INPP4B: variants seen among roughly 807,000 people sequenced by gnomAD.
The protein encoded by INPP4B is inositol polyphosphate 4-phosphatase type II.
In INPP4B, 55 loss-of-function variants were observed where a neutral mutation model predicts 122.5. The ratio of observed to expected loss-of-function variants is 0.45; its 90% CI spans 0.36 to 0.56. The LOEUF is 0.56. INPP4B is among the 20% of genes least tolerant of loss of function. The pLI, the probability that INPP4B is intolerant of heterozygous loss-of-function variation, is 0.00. For missense variants in INPP4B, 1,000 were observed against 1,097.7 expected (o/e 0.91, Z 1.26); for synonymous variants, 403 against 388.7 (o/e 1.04, Z -0.43).
At chr4:142,139,942 G>A (rs1302102708) in intron 18 of INPP4B, among the ~76,000 whole-genome samples, 1 of 152,172 alleles carries the variant, frequency 6.6e-6, no homozygotes, top group Non-Finnish European at 1.5e-5. Context: ...CTTCCAAAGT[G>A]CTTGGATTAC....
intron 25 of INPP4B, among the ~76,000 whole-genome samples, chr4:142,068,978 A>G (rs373753050): frequency 6.6e-6 from 1 of 152,184 alleles, no homozygotes; most frequent in African/African-American, 2.4e-5. Flanking sequence ...TGCACCAAGC[A>G]GACCTAATAG....
At chr4:142,733,496 C>T (rs909489807) in intron 1 of INPP4B, among the ~76,000 whole-genome samples, 1 of 151,954 alleles carries the variant, frequency 6.6e-6, no homozygotes, top group African/African-American at 2.4e-5. Context: ...CAAAAGAAGG[C>T]TTTCAAATTT....
chr4:142,306,259 A>C (rs1455628727), intron 8 of INPP4B, among the ~76,000 whole-genome samples: 1 of 151,148 alleles, frequency 6.6e-6, no homozygotes, highest in Non-Finnish European at 1.5e-5. Flanking sequence ...TTCCCAGGAT[A>C]AAAAACCTAT....
At chr4:142,074,003 C>T (rs1769065862) in intron 25 of INPP4B, among the ~76,000 whole-genome samples, 1 of 152,028 alleles carries the variant, frequency 6.6e-6, no homozygotes, top group South Asian at 2.1e-4. Context: ...GTCCCCCTCC[C>T]AGCTAAAAAG....
At chr4:142,124,363 T>A (rs1199346690) in intron 19 of INPP4B, among the ~76,000 whole-genome samples, 1 of 152,128 alleles carries the variant, frequency 6.6e-6, no homozygotes, top group Non-Finnish European at 1.5e-5. Context: ...ATTTACATGT[T>A]AGAGACTTGG....
chr4:142,125,360 T>TG (rs1439877341), intron 18 of INPP4B, among the ~76,000 whole-genome samples: 1 of 145,868 alleles, frequency 6.9e-6, no homozygotes, highest in Non-Finnish European at 1.5e-5. Flanking sequence ...TAAAATATTT[T>TG]GAAAAAAAAA....
chr4:142,833,092 T>C (rs1782365107), intron 1 of INPP4B, among the ~76,000 whole-genome samples: 1 of 152,118 alleles, frequency 6.6e-6, no homozygotes, highest in Admixed American at 6.6e-5. Context: ...CAAGTTTTTT[T>C]AGGGACAGGC....
At chr4:142,042,656 G>A (rs775491061) in intron 25 of INPP4B, among the ~76,000 whole-genome samples, 2 of 152,006 alleles carry the variant, frequency 1.3e-5, no homozygotes, top group Non-Finnish European at 2.9e-5. Flanking sequence ...TCCGCCTCCC[G>A]GGTTCAAGCG....
intron 2 of INPP4B, among the ~76,000 whole-genome samples, chr4:142,546,716 A>G (rs1392608540): frequency 6.6e-6 from 1 of 152,186 alleles, no homozygotes; most frequent in Non-Finnish European, 1.5e-5. Context: ...TAGAGTCTTC[A>G]TATTGTCGGT....
chr4:142,252,616 C>T (rs1267544728), intron 11 of INPP4B, among the ~76,000 whole-genome samples: 9 of 152,156 alleles, frequency 5.9e-5, no homozygotes, highest in African/African-American at 1.7e-4. Flanking sequence ...TTCATAAATA[C>T]ATTTAGCATA....
intron 7 of INPP4B, among the ~76,000 whole-genome samples, chr4:142,391,239 A>G (rs1386754519): frequency 6.6e-6 from 1 of 152,226 alleles, no homozygotes; most frequent in African/African-American, 2.4e-5. Flanking sequence ...AACAACTGGT[A>G]TTCAAGAGGA....
At chr4:142,252,596 C>T (rs1391247793) in intron 11 of INPP4B, among the ~76,000 whole-genome samples, 2 of 152,144 alleles carry the variant, frequency 1.3e-5, no homozygotes, top group Admixed American at 1.3e-4. Context: ...TACTATATGT[C>T]TCAATTTTAT....
At chr4:142,624,526 T>C (rs1745832550) in intron 2 of INPP4B, among the ~76,000 whole-genome samples, 1 of 152,098 alleles carries the variant, frequency 6.6e-6, no homozygotes, top group Non-Finnish European at 1.5e-5. Flanking sequence ...ACCAGATGGA[T>C]TCACAGCCGA....
intron 1 of INPP4B, among the ~76,000 whole-genome samples, chr4:142,729,976 T>TA (rs5862612): frequency 0.98 from 149,724 of 152,204 alleles, 73,703 homozygotes; most frequent in East Asian, 1. Context: ...CTGTCTCCAC[T>TA]AAACCTCAAA....
chr4:142,461,857 G>A (rs1049687226), intron 3 of INPP4B, among the ~76,000 whole-genome samples: 3 of 151,718 alleles, frequency 2.0e-5, no homozygotes, highest in Admixed American at 6.6e-5. Flanking sequence ...TGACAGATTC[G>A]AAAGCATCTA....
chr4:142,617,192 G>A (rs774771321), intron 2 of INPP4B, among the ~76,000 whole-genome samples: 11 of 152,172 alleles, frequency 7.2e-5, no homozygotes, highest in Middle Eastern at 3.4e-3. Context: ...TCTATTCAGT[G>A]GCTTTCCTGG....
At chr4:142,740,601 A>G (rs926204162) in intron 1 of INPP4B, among the ~76,000 whole-genome samples, 1 of 151,996 alleles carries the variant, frequency 6.6e-6, no homozygotes, top group African/African-American at 2.4e-5. Flanking sequence ...TAATAGCCTT[A>G]TAAGAAATAG....
intron 7 of INPP4B, among the ~76,000 whole-genome samples, chr4:142,322,070 T>C (rs1334625678): frequency 6.6e-6 from 1 of 152,196 alleles, no homozygotes; most frequent in Non-Finnish European, 1.5e-5. Context: ...ACAAGGTATA[T>C]TTCGTTGATA....
intron 7 of INPP4B, among the ~76,000 whole-genome samples, chr4:142,391,436 T>C (rs1003383902): frequency 6.6e-6 from 1 of 151,976 alleles, no homozygotes; most frequent in African/African-American, 2.4e-5. Context: ...GTGGCCGGCA[T>C]GTGTAATCCC....
Sources: allele counts gnomAD v4.1 joint callset (sites outside exome capture counted in the v4.1 genomes callset), GRCh38; gene constraint gnomAD v4.1.1; transcripts MANE v1.5; gene names NCBI Gene and HGNC (gene_info 2026-07-23, HGNC 2026-07-21).